The following LRRC52 variants were observed in gnomAD, a reference collection of about 807,000 sequenced individuals.
The protein encoded by LRRC52 is leucine-rich repeat-containing protein 52.
LRRC52 carries 15 observed loss-of-function variants against 14.7 expected under a neutral mutation model. The observed-to-expected ratio is 1.02, with a 90% CI of 0.68 to 1.58. The LOEUF (loss-of-function observed/expected upper bound fraction) is 1.58. LRRC52 is among the 40% of genes most tolerant of loss of function. The probability of loss-of-function intolerance (pLI) is 0.00; values close to 1 mark genes in which losing one functional copy is unlikely to be tolerated. For synonymous variants in LRRC52, 180 were observed against 163.9 expected (o/e 1.10, Z -0.75); for missense variants, 400 against 387.7 (o/e 1.03, Z -0.27).
intron 1 of LRRC52, among the ~76,000 whole-genome samples, chr1:165,545,515 T>A (rs1007309799): frequency 6.6e-6 from 1 of 152,142 alleles, no homozygotes; most frequent in African/African-American, 2.4e-5. Flanking sequence ...AGCTGCTTTG[T>A]TTTGAAGATG....
At chr1:165,559,583 A>G (rs543070608) in intron 1 of LRRC52, among the ~76,000 whole-genome samples, 123 of 152,354 alleles carry the variant, frequency 8.1e-4, no homozygotes, top group African/African-American at 2.9e-3. Flanking sequence ...AACCTAACTG[A>G]CATGCATAGA....
In LRRC52 at chr1:165,544,923, G is replaced by A. The variant is rs753602008; in HGVS notation, c.622+5G>A. On this transcript the variant is annotated splice_donor_5th_base_variant and intron_variant, in intron 1 of 1. Coordinates refer to ENST00000294818, the MANE Select transcript of LRRC52 (RefSeq NM_001005214.4). The stretch of plus-strand genomic sequence containing the variant: ...TGTTCCATATGGACCCCTCAGGTGA[G>A]GGCTTGATTGGGTGTGGGGAAGAGG... 1.2e-6 allele frequency: 2 copies of A among 1,611,492 alleles called. No homozygotes were observed. Among genetic ancestry groups the A allele is most frequent in the Non-Finnish European group, 1.7e-6 (2 of 1,177,940 alleles).
intron 1 of LRRC52, 67 bp from the exon 2 acceptor site, chr1:165,563,438 C>A: frequency 6.9e-7 from 1 of 1,439,966 alleles, no homozygotes; most frequent in East Asian, 2.4e-5. Context: ...CTCCTGATCC[C>A]CTTTGGCCTT....
At chr1:165,562,313 G>A (rs1397657682) in intron 1 of LRRC52, among the ~76,000 whole-genome samples, 2 of 151,920 alleles carry the variant, frequency 1.3e-5, no homozygotes, top group African/African-American at 4.8e-5. Context: ...GCAAATACTG[G>A]CTGCTATTAT....
At chr1:165,550,697 G>T (rs774070062) in intron 1 of LRRC52, among the ~76,000 whole-genome samples, 1 of 152,046 alleles carries the variant, frequency 6.6e-6, no homozygotes, top group Non-Finnish European at 1.5e-5. Flanking sequence ...AACATTTATT[G>T]TATATTCATT....
chr1:165,560,401 A>G lies in LRRC52; in HGVS notation c.623-3104A>G, dbSNP rs79581140. On this transcript the variant is annotated intron_variant, in intron 1 of 1. Transcript: ENST00000294818. The stretch of plus-strand genomic sequence containing the variant: ...CTCAATTTTACAAATTACACAATTC[A>G]GTCAATGAATGATAGCTCTTATTAA... Among the ~76,000 whole-genome samples, 10 of 152,356 alleles carry G rather than the reference A, an allele frequency of 6.6e-5. No homozygotes were observed. The East Asian group carries it at 1.9e-3, about 29-fold the overall frequency.
At chr1:165,545,437 G>C (rs111616322) in intron 1 of LRRC52, among the ~76,000 whole-genome samples, 1 of 152,120 alleles carries the variant, frequency 6.6e-6, no homozygotes, top group African/African-American at 2.4e-5. Context: ...CATAAAGATG[G>C]AAGGAGGGGC....
intron 1 of LRRC52, among the ~76,000 whole-genome samples, chr1:165,555,094 A>T (rs1661206164): frequency 6.6e-6 from 1 of 152,218 alleles, no homozygotes; most frequent in Non-Finnish European, 1.5e-5. Flanking sequence ...GCTCTCATGA[A>T]ACTTACATTC....
chr1:165,558,598 C>T (rs1022378612), intron 1 of LRRC52, among the ~76,000 whole-genome samples: 1 of 152,044 alleles, frequency 6.6e-6, no homozygotes, highest in Middle Eastern at 3.2e-3. Context: ...TATAAAACCT[C>T]TGAAGTCATC....
chr1:165,560,012 C>A (rs1269768571), intron 1 of LRRC52, among the ~76,000 whole-genome samples: 5 of 152,184 alleles, frequency 3.3e-5, no homozygotes, highest in Non-Finnish European at 7.3e-5. Context: ...CTGGCACAAT[C>A]TAGACACACC....
At chr1:165,548,158 A>G (rs1426087201) in intron 1 of LRRC52, among the ~76,000 whole-genome samples, 2 of 152,222 alleles carry the variant, frequency 1.3e-5, no homozygotes, top group African/African-American at 4.8e-5. Context: ...AATCCATTTC[A>G]CAAACAGACT....
intron 1 of LRRC52, among the ~76,000 whole-genome samples, chr1:165,553,662 G>A (rs1433816634): frequency 6.6e-6 from 1 of 152,170 alleles, no homozygotes; most frequent in Non-Finnish European, 1.5e-5. Context: ...TCCCTGAGAG[G>A]ACAGAAATGG....
At chr1:165,551,013 C>G (rs560387225) in intron 1 of LRRC52, among the ~76,000 whole-genome samples, 67 of 152,254 alleles carry the variant, frequency 4.4e-4, no homozygotes, top group African/African-American at 1.6e-3. Flanking sequence ...GAGAGGAGAA[C>G]AGCGCTCAGC....
At chr1:165,550,945 A>C (rs1025533478) in intron 1 of LRRC52, among the ~76,000 whole-genome samples, 2 of 152,180 alleles carry the variant, frequency 1.3e-5, no homozygotes, top group African/African-American at 4.8e-5. Flanking sequence ...AGATCCTCAA[A>C]GGCCTCCTAT....
chr1:165,551,363 T>C (rs1661127934), intron 1 of LRRC52, among the ~76,000 whole-genome samples: 1 of 152,244 alleles, frequency 6.6e-6, no homozygotes, highest in Non-Finnish European at 1.5e-5. Flanking sequence ...TCAGAAACCC[T>C]AGAACAGTGG....
Position 165,544,356 on chromosome 1 carries a change from G to C in LRRC52, c.60G>C (p.Leu20=). ...TACTCTTTTCCTTTGGAATGGGGCTGGTATCAGGGTCAAAGTGTCCAAATA... is the reference window on the plus strand; with the variant it reads ...TACTCTTTTCCTTTGGAATGGGGCTCGTATCAGGGTCAAAGTGTCCAAATA... The part of the protein sequence containing the change: ...GWLLFSFGMG[L]VSGSKCPNNC... Residue 20 remains leucine, a synonymous_variant, in exon 1 of 2, where the codon CTG becomes CTC. Transcript: ENST00000294818. The C allele has an allele frequency of 1.2e-6, 2 of 1,614,046 alleles. No homozygotes were observed. Among genetic ancestry groups the C allele is most frequent in the Non-Finnish European group, 1.7e-6 (2 of 1,180,018 alleles).
intron 1 of LRRC52, among the ~76,000 whole-genome samples, chr1:165,557,192 T>G (rs1201113657): frequency 1.3e-5 from 2 of 152,232 alleles, no homozygotes; most frequent in African/African-American, 4.8e-5. Flanking sequence ...CTCTTACCCT[T>G]GTTTCCTTCT....
chr1:165,560,616 G>A (rs1661320470), intron 1 of LRRC52, among the ~76,000 whole-genome samples: 4 of 152,176 alleles, frequency 2.6e-5, no homozygotes. Context: ...TGAGCTCTGA[G>A]GACGGGGTGG....
intron 1 of LRRC52, among the ~76,000 whole-genome samples, chr1:165,559,240 T>G (rs925472351): frequency 1.3e-5 from 2 of 151,858 alleles, no homozygotes; most frequent in Non-Finnish European, 2.9e-5. Context: ...AATATAAAAA[T>G]TAGCTGGGCG....
Sources: allele counts gnomAD v4.1 joint callset (sites outside exome capture counted in the v4.1 genomes callset), GRCh38; gene constraint gnomAD v4.1.1; transcripts MANE v1.5; gene names NCBI Gene and HGNC (gene_info 2026-07-23, HGNC 2026-07-21).